Variants in TRHDE observed in about 807,000 individuals in gnomAD.
TRHDE encodes the protein thyrotropin releasing hormone degrading enzyme.
A neutral mutation model predicts 125.7 loss-of-function variants in TRHDE; 72 were observed. The ratio of observed to expected loss-of-function variants is 0.57; its 90% CI spans 0.47 to 0.70. The LOEUF is 0.70. Ranked by LOEUF, TRHDE falls within the 30% of genes least tolerant of loss-of-function variation. TRHDE has a pLI of 0.00. For missense variants in TRHDE, 1,110 were observed against 1,327.1 expected, an observed-to-expected ratio of 0.84 and a Z score of 2.54; for synonymous variants, 509 against 509.1, an observed-to-expected ratio of 1.00 and a Z score of 0.00.
At chr12:72,577,381 C>T (rs1871044795) in intron 12 of TRHDE, among the ~76,000 whole-genome samples, 1 of 152,092 alleles carries the variant, frequency 6.6e-6, no homozygotes, top group Non-Finnish European at 1.5e-5. Flanking sequence ...GAAATGGAAG[C>T]TCAGAGAGGT....
At chr12:72,657,257 C>A (rs574407791) in intron 18 of TRHDE, among the ~76,000 whole-genome samples, 1 of 152,108 alleles carries the variant, frequency 6.6e-6, no homozygotes, top group Non-Finnish European at 1.5e-5. Flanking sequence ...GACCCACAAT[C>A]CACTTCAGAG....
chr12:72,558,145 G>A (rs1408674916), intron 7 of TRHDE, among the ~76,000 whole-genome samples: 2 of 151,954 alleles, frequency 1.3e-5, no homozygotes, highest in Admixed American at 1.3e-4. Flanking sequence ...TTACTCTCAC[G>A]GATTTTACAG....
intron 2 of TRHDE, among the ~76,000 whole-genome samples, chr12:72,206,994 T>G (rs917789939): frequency 6.6e-6 from 1 of 152,130 alleles, no homozygotes; most frequent in African/African-American, 2.4e-5. Context: ...AAATGAGACT[T>G]TTTACCTTTC....
chr12:72,564,710 C>G (rs1157181821), intron 9 of TRHDE, among the ~76,000 whole-genome samples: 1 of 110,334 alleles, frequency 9.1e-6, no homozygotes, highest in Non-Finnish European at 1.7e-5. Flanking sequence ...CTCTGTCTCC[C>G]AGGCTGGAGT....
At chr12:72,348,912 T>A (rs1020755648) in intron 2 of TRHDE, among the ~76,000 whole-genome samples, 2 of 151,918 alleles carry the variant, frequency 1.3e-5, no homozygotes, top group Non-Finnish European at 2.9e-5. Flanking sequence ...GCTAATAGAT[T>A]TTTTTTCCAG....
At chr12:72,380,766 GCTTCCTTCCTTCCTTCCTTC>G (rs3085951) in intron 3 of TRHDE, among the ~76,000 whole-genome samples, 10 of 71,008 alleles carry the variant, frequency 1.4e-4, no homozygotes, top group African/African-American at 2.1e-4. Context: ...TTCCTTCCTT[GCTTCCTTCCTTCCTTCCTTC>G]CTTCCTTCCT....
intron 12 of TRHDE, among the ~76,000 whole-genome samples, chr12:72,605,531 A>G (rs1034466454): frequency 3.3e-5 from 5 of 152,152 alleles, no homozygotes; most frequent in African/African-American, 1.2e-4. Flanking sequence ...TGTTTTCTAT[A>G]CAAAGAATTG....
chr12:72,106,475 T>C (rs983279165), intron 2 of TRHDE, among the ~76,000 whole-genome samples: 3 of 152,088 alleles, frequency 2.0e-5, no homozygotes, highest in African/African-American at 7.2e-5. Context: ...TGAGATTATA[T>C]ATGTATAAGA....
chr12:72,659,025 T>TA (rs1369825712), intron 18 of TRHDE, among the ~76,000 whole-genome samples: 1 of 152,308 alleles, frequency 6.6e-6, no homozygotes, highest in East Asian at 1.9e-4. Flanking sequence ...ATAAGCCTCA[T>TA]AAGCAGAAAG....
chr12:72,371,359 C>G (rs146654954), intron 2 of TRHDE, among the ~76,000 whole-genome samples: 1 of 150,446 alleles, frequency 6.6e-6, no homozygotes, highest in Non-Finnish European at 1.5e-5. Context: ...CAAAATATTT[C>G]GACTCACAAA....
chr12:72,547,199 T>G lies in TRHDE; in HGVS notation c.1788+4843T>G, dbSNP rs1022777429. 2.0e-5 allele frequency among the ~76,000 whole-genome samples: 3 copies of G among 151,702 alleles called. No homozygotes were observed. In the Admixed American group the frequency reaches 2.0e-4, roughly 10 times the overall value. ...GATTTAAAAAGTATTAACTCCTTTA[T>G]TCATCTCTTCCTTAATATTGTATTA... On this transcript the variant is annotated intron_variant, in intron 7 of 18. Coordinates refer to ENST00000261180, the MANE Select transcript of TRHDE (RefSeq NM_013381.3).
At chr12:72,179,106 C>G (rs1363906975) in intron 2 of TRHDE, among the ~76,000 whole-genome samples, 1 of 152,048 alleles carries the variant, frequency 6.6e-6, no homozygotes, top group Non-Finnish European at 1.5e-5. Flanking sequence ...CAGCTTGTAA[C>G]CAGAAAGCTC....
chr12:72,442,140 C>T (rs1295081983), intron 3 of TRHDE, among the ~76,000 whole-genome samples: 1 of 151,904 alleles, frequency 6.6e-6, no homozygotes, highest in African/African-American at 2.4e-5. Context: ...CGCTCCTCTA[C>T]ATGAGACTTA....
At chr12:72,351,289 A>G (rs1870570257) in intron 2 of TRHDE, among the ~76,000 whole-genome samples, 1 of 151,974 alleles carries the variant, frequency 6.6e-6, no homozygotes, top group South Asian at 2.1e-4. Context: ...CTGCAAAATT[A>G]GTTCCGCCAT....
At chr12:72,539,725 A>G (rs1048623979) in intron 6 of TRHDE, among the ~76,000 whole-genome samples, 1 of 151,936 alleles carries the variant, frequency 6.6e-6, no homozygotes, top group Non-Finnish European at 1.5e-5. Flanking sequence ...CTTTTGTGGA[A>G]TATTCTCTAT....
chr12:72,193,775 AAG>A (rs748596979), intron 2 of TRHDE, among the ~76,000 whole-genome samples: 9 of 152,128 alleles, frequency 5.9e-5, no homozygotes, highest in Non-Finnish European at 1.2e-4. Context: ...GAAAAAAATA[AAG>A]AGATATGTTT....
At chr12:72,454,221 G>A (rs1036376963) in intron 3 of TRHDE, among the ~76,000 whole-genome samples, 2 of 151,864 alleles carry the variant, frequency 1.3e-5, no homozygotes, top group African/African-American at 4.8e-5. Context: ...TCAACTCTTT[G>A]TTTTTACCTT....
intron 6 of TRHDE, among the ~76,000 whole-genome samples, chr12:72,540,038 C>G (rs1869063294): frequency 6.6e-6 from 1 of 151,754 alleles, no homozygotes; most frequent in Non-Finnish European, 1.5e-5. Context: ...ATAATGAGCT[C>G]TGCCTGTGTT....
At chr12:72,614,330 A>ATATATATATAT (rs531067163) in intron 12 of TRHDE, among the ~76,000 whole-genome samples, 2,678 of 129,748 alleles carry the variant, frequency 0.021, 46 homozygotes, top group Non-Finnish European at 0.023. Context: ...ATATATATAT[A>ATATATATATAT]TTTTTTTTTT....
Sources: allele counts gnomAD v4.1 joint callset (sites outside exome capture counted in the v4.1 genomes callset), GRCh38; gene constraint gnomAD v4.1.1; transcripts MANE v1.5; gene names NCBI Gene and HGNC (gene_info 2026-07-23, HGNC 2026-07-21).